PDE4D: variants seen among roughly 807,000 people sequenced by gnomAD.
PDE4D encodes the protein phosphodiesterase 4D.
A neutral mutation model predicts 87.4 loss-of-function variants in PDE4D; 24 were observed. The observed-to-expected ratio is 0.27, with a 90% CI of 0.20 to 0.39. The LOEUF (loss-of-function observed/expected upper bound fraction) is 0.39, where lower values mean the gene tolerates loss of function less well. Among genes scored for constraint, PDE4D ranks in the 10% least tolerant of loss-of-function variants. PDE4D has a pLI of 1.00. For missense variants in PDE4D, 714 were observed against 1,041.0 expected (o/e 0.69, Z 4.32); for synonymous variants, 384 against 383.2 (o/e 1.00, Z -0.02).
At chr5:59,039,249 C>A in intron 5 of PDE4D, 1 of 1,222,026 alleles carries the variant, frequency 8.2e-7, no homozygotes, top group Non-Finnish European at 1.0e-6. Flanking sequence ...AACTTTCACA[C>A]AGCGACGCGA....
Position 60,085,719 on chromosome 5 carries a change from C to T in PDE4D, c.43-97002G>A, listed in dbSNP as rs2152906892. On this transcript the variant is annotated intron_variant, in intron 2 of 16. Coordinates refer to the PDE4D transcript ENST00000502484. The stretch of plus-strand genomic sequence containing the variant: ...TTTTATTTCTACATCTTTAAAAATC[C>T]TTCCAGCTAAGATAACTAATAAACT... Among the ~76,000 whole-genome samples, 3 of 152,262 alleles carry T rather than the reference C, an allele frequency of 2.0e-5. No homozygotes were observed. In the East Asian group the frequency reaches 5.8e-4, roughly 29 times the overall value.
intron 1 of PDE4D, among the ~76,000 whole-genome samples, chr5:59,789,817 G>T (rs1765585812): frequency 6.6e-6 from 1 of 152,128 alleles, no homozygotes; most frequent in African/African-American, 2.4e-5. Flanking sequence ...AGTAGAGTCA[G>T]GTCCTGATTC....
intron 1 of PDE4D, among the ~76,000 whole-genome samples, chr5:59,804,519 G>A (rs558006034): frequency 5.5e-4 from 83 of 152,254 alleles, no homozygotes; most frequent in African/African-American, 1.9e-3. Flanking sequence ...TTCCCTTTGG[G>A]TGAATACCCA....
chr5:59,279,920 G>A (rs1420779507), intron 1 of PDE4D, among the ~76,000 whole-genome samples: 1 of 151,978 alleles, frequency 6.6e-6, no homozygotes, highest in Non-Finnish European at 1.5e-5. Context: ...ATCCTCTTTA[G>A]TTGTACAGTG....
intron 2 of PDE4D, among the ~76,000 whole-genome samples, chr5:60,089,400 G>C (rs1313749738): frequency 6.6e-6 from 1 of 151,858 alleles, no homozygotes; most frequent in African/African-American, 2.4e-5. Flanking sequence ...ATTGGAAACT[G>C]TACAAATCCA....
chr5:59,169,385 G>A (rs554919932), intron 5 of PDE4D, among the ~76,000 whole-genome samples: 2 of 151,956 alleles, frequency 1.3e-5, no homozygotes, highest in South Asian at 4.2e-4. Flanking sequence ...CAAAAAGAAT[G>A]CAATTACTAA....
chr5:59,129,759 T>A (rs1332327666), intron 5 of PDE4D, among the ~76,000 whole-genome samples: 1 of 152,172 alleles, frequency 6.6e-6, no homozygotes, highest in Non-Finnish European at 1.5e-5. Flanking sequence ...ATGGGGCAGA[T>A]GCTGGTTTTA....
At chr5:59,467,481 C>G (rs1184248670) in intron 1 of PDE4D, among the ~76,000 whole-genome samples, 1 of 152,090 alleles carries the variant, frequency 6.6e-6, no homozygotes, top group African/African-American at 2.4e-5. Flanking sequence ...AACCTTTTAA[C>G]CTTTGCTATT....
At chr5:59,031,111 G>T (rs1757309345) in intron 6 of PDE4D, among the ~76,000 whole-genome samples, 2 of 151,990 alleles carry the variant, frequency 1.3e-5, no homozygotes, top group Admixed American at 6.6e-5. Flanking sequence ...AGAAAAGGGA[G>T]CCCTTCTACA....
chr5:59,820,929 A>T (rs1386802931), intron 1 of PDE4D, among the ~76,000 whole-genome samples: 1 of 152,152 alleles, frequency 6.6e-6, no homozygotes, highest in Non-Finnish European at 1.5e-5. Flanking sequence ...TAGTAAGGGA[A>T]GTATAATAAA....
intron 5 of PDE4D, among the ~76,000 whole-genome samples, chr5:59,144,846 T>C (rs991204573): frequency 6.7e-5 from 9 of 134,050 alleles, no homozygotes; most frequent in South Asian, 2.6e-4. Context: ...CACAGGTCTC[T>C]GGATTTCCCT....
At chr5:59,509,474 G>A (rs1283717079) in intron 1 of PDE4D, among the ~76,000 whole-genome samples, 2 of 150,042 alleles carry the variant, frequency 1.3e-5, no homozygotes, top group South Asian at 2.1e-4. Context: ...GTTAGAAAAT[G>A]TTCACCAAAG....
At chr5:59,179,407 G>T (rs1000327625) in intron 5 of PDE4D, among the ~76,000 whole-genome samples, 2 of 152,056 alleles carry the variant, frequency 1.3e-5, no homozygotes, top group Non-Finnish European at 2.9e-5. Context: ...TGGCCCTATT[G>T]TTCATCTCTT....
intron 1 of PDE4D, among the ~76,000 whole-genome samples, chr5:59,249,291 A>C (rs998834025): frequency 3.9e-5 from 6 of 152,304 alleles, no homozygotes; most frequent in South Asian, 2.1e-4. Flanking sequence ...TATGTGGATA[A>C]AGATTTTTTT....
At chr5:59,687,094 A>G (rs545113615) in intron 1 of PDE4D, among the ~76,000 whole-genome samples, 23 of 152,264 alleles carry the variant, frequency 1.5e-4, no homozygotes, top group South Asian at 8.3e-4. Context: ...GAAAAACAAG[A>G]AATACTCAGC....
intron 3 of PDE4D, among the ~76,000 whole-genome samples, chr5:59,984,607 G>T (rs1187377846): frequency 2.0e-5 from 3 of 152,184 alleles, no homozygotes; most frequent in Non-Finnish European, 4.4e-5. Flanking sequence ...TAGAAATATG[G>T]AAGTGTGAAT....
chr5:59,356,322 C>T (rs1057205826), intron 1 of PDE4D, among the ~76,000 whole-genome samples: 2 of 152,132 alleles, frequency 1.3e-5, no homozygotes, highest in Non-Finnish European at 2.9e-5. Context: ...GCAAGATGAA[C>T]ACTGAATTAC....
intron 1 of PDE4D, among the ~76,000 whole-genome samples, chr5:60,472,307 T>C (rs1747873742): frequency 6.6e-6 from 1 of 152,130 alleles, no homozygotes; most frequent in South Asian, 2.1e-4. Context: ...AGGTCATTTT[T>C]CCCAGGTCAC....
At chr5:59,138,514 T>C (rs1049622622) in intron 5 of PDE4D, among the ~76,000 whole-genome samples, 3 of 152,194 alleles carry the variant, frequency 2.0e-5, no homozygotes, top group South Asian at 4.1e-4. Context: ...CTCGAACTCC[T>C]GACCTTGTGA....
Sources: allele counts gnomAD v4.1 joint callset (sites outside exome capture counted in the v4.1 genomes callset), GRCh38; gene constraint gnomAD v4.1.1; transcripts MANE v1.5; gene names NCBI Gene and HGNC (gene_info 2026-07-23, HGNC 2026-07-21).